DSCAML1: variants seen among roughly 807,000 people sequenced by gnomAD.
DSCAML1 encodes DS cell adhesion molecule like 1.
DSCAML1 carries 38 observed loss-of-function variants against 200.5 expected under a neutral mutation model. The ratio of observed to expected loss-of-function variants is 0.19; its 90% CI spans 0.15 to 0.25. The LOEUF is 0.25. Ranked by LOEUF, DSCAML1 falls within the 10% of genes least tolerant of loss-of-function variation. DSCAML1 has a pLI of 1.00. For missense variants in DSCAML1, 2,223 were observed against 2,858.8 expected, an observed-to-expected ratio of 0.78 and a Z score of 5.07; for synonymous variants, 1,215 against 1,165.0, an observed-to-expected ratio of 1.04 and a Z score of -0.87.
intron 3 of DSCAML1, among the ~76,000 whole-genome samples, chr11:117,677,532 G>T (rs567528306): frequency 1.4e-3 from 217 of 152,148 alleles, no homozygotes; most frequent in Non-Finnish European, 2.6e-3. Context: ...AATGAGGCAT[G>T]GGTTCTGTGG....
At chr11:117,536,374 G>C (rs2050171588) in intron 3 of DSCAML1, among the ~76,000 whole-genome samples, 1 of 152,214 alleles carries the variant, frequency 6.6e-6, no homozygotes, top group Admixed American at 6.5e-5. Context: ...CTGCACCCCA[G>C]AGGCAACTAG....
chr11:117,629,905 C>T lies in DSCAML1; in HGVS notation c.512-97383G>A, dbSNP rs116389512. Among the ~76,000 whole-genome samples, 546 of 152,268 alleles carry T rather than the reference C, an allele frequency of 3.6e-3. 5 individuals carry two copies. The highest frequency in any genetic ancestry group is 0.012 in the African/African-American group (508 of 41,556). On this transcript the variant is annotated intron_variant, in intron 3 of 32. Coordinates refer to ENST00000651296, the MANE Select transcript of DSCAML1 (RefSeq NM_020693.4). ...GCCCCAGCTATTCAGGAGACTGAGG[C>T]AGGAGTTCAGGGTTGAGACTGCTTG...
intron 27 of DSCAML1, 59 bp from the exon 28 acceptor site, chr11:117,433,530 A>T (rs2047847593): frequency 4.4e-6 from 7 of 1,577,364 alleles, no homozygotes; most frequent in Non-Finnish European, 6.1e-6. Context: ...ACAGGATGAC[A>T]ATGGGAGAGG....
chr11:117,669,581 T>G (rs778159930), intron 3 of DSCAML1, among the ~76,000 whole-genome samples: 10 of 152,208 alleles, frequency 6.6e-5, no homozygotes, highest in Admixed American at 1.3e-4. Context: ...GGGCTGACAA[T>G]GTAGTTAGGA....
chr11:117,566,164 G>A (rs151146642), intron 3 of DSCAML1, among the ~76,000 whole-genome samples: 3 of 152,222 alleles, frequency 2.0e-5, no homozygotes, highest in African/African-American at 7.2e-5. Context: ...ATAGATGAGG[G>A]GACGGAGACC....
At chr11:117,753,306 G>A (rs1444703362) in intron 3 of DSCAML1, among the ~76,000 whole-genome samples, 1 of 152,318 alleles carries the variant, frequency 6.6e-6, no homozygotes, top group Non-Finnish European at 1.5e-5. Context: ...AAGAGGTGGT[G>A]TGAAAACAGC....
In DSCAML1 at chr11:117,512,793, A is replaced by ACACACACC. The variant is rs985249455; in HGVS notation, c.1783+3673_1783+3674insGGTGTGTG. 7.5e-5 allele frequency among the ~76,000 whole-genome samples: 11 copies of ACACACACC among 146,844 alleles called. 1 individual carries two copies. Among genetic ancestry groups the ACACACACC allele is most frequent in the Non-Finnish European group, 1.5e-4 (10 of 66,082 alleles). On this transcript the variant is annotated intron_variant, in intron 8 of 32. Transcript: ENST00000651296. Reference sequence around the variant, plus strand: ...CACACACACACACACACACACACACACACACACACCCCTCCCCTTCCCCCC... The same window carrying ACACACACC: ...CACACACACACACACACACACACACACACACACCCACACACACCCCTCCCCTTCCCCCC...
At chr11:117,528,735 G>A (rs1312721392) in intron 4 of DSCAML1, among the ~76,000 whole-genome samples, 2 of 152,182 alleles carry the variant, frequency 1.3e-5, no homozygotes, top group East Asian at 3.8e-4. Flanking sequence ...TATAACTGCA[G>A]GTGACAATGC....
intron 3 of DSCAML1, among the ~76,000 whole-genome samples, chr11:117,578,236 G>A (rs539127934): frequency 0.015 from 1,503 of 101,386 alleles, 19 homozygotes; most frequent in Admixed American, 0.018. Context: ...ACTCTGTCTC[G>A]AAAAAAAAAA....
At chr11:117,529,995 C>T (rs1182336390) in intron 4 of DSCAML1, among the ~76,000 whole-genome samples, 2 of 152,174 alleles carry the variant, frequency 1.3e-5, no homozygotes, top group East Asian at 1.9e-4. Context: ...TCCCTGGAGC[C>T]CCGTCGCTCG....
At position 117,463,691 on chromosome 11, in the gene DSCAML1, G is replaced by A. The variant is rs535969384; in HGVS notation, c.3265+1251C>T. On this transcript the variant is annotated intron_variant, in intron 17 of 32. Coordinates refer to ENST00000651296, the MANE Select transcript of DSCAML1 (RefSeq NM_020693.4). The surrounding 1 kb of genome is among the most constrained non-coding windows in gnomAD (Gnocchi z 4.0). ...AGCGAGGGCCATGGGCTGAGGGCTT[G>A]GTTGTGGTGCGGCTCTCCTCCCTCC... Among the ~76,000 whole-genome samples the A allele has an allele frequency of 6.5e-4, 99 of 152,316 alleles. No individual in the cohort carries two copies. The highest frequency in any genetic ancestry group is 2.0e-3 in the African/African-American group (85 of 41,578).
chr11:117,631,905 C>A (rs1337121351), intron 3 of DSCAML1, among the ~76,000 whole-genome samples: 1 of 152,214 alleles, frequency 6.6e-6, no homozygotes, highest in African/African-American at 2.4e-5. Context: ...AGGTCCCTGG[C>A]TGAGTCACAG....
chr11:117,603,539 A>G (rs2051505978), intron 3 of DSCAML1, among the ~76,000 whole-genome samples: 1 of 152,218 alleles, frequency 6.6e-6, no homozygotes, highest in African/African-American at 2.4e-5. Flanking sequence ...GAGATAGTGG[A>G]TATAGGGCAC....
intron 3 of DSCAML1, among the ~76,000 whole-genome samples, chr11:117,596,277 T>C (rs1482716740): frequency 6.6e-6 from 1 of 152,112 alleles, no homozygotes; most frequent in East Asian, 1.9e-4. Flanking sequence ...TAAGTCCAGA[T>C]CTTTTGAAAC....
chr11:117,486,369 C>T (rs904131829), intron 11 of DSCAML1, among the ~76,000 whole-genome samples: 2 of 148,306 alleles, frequency 1.3e-5, no homozygotes, highest in Non-Finnish European at 3.0e-5. Context: ...GTGAAAGTGG[C>T]TGATGTGAAA....
chr11:117,428,545 C>A lies in DSCAML1; in HGVS notation c.5945G>T (p.Gly1982Val), dbSNP rs1592554204. The change falls in exon 33 of 33, where the codon GGC becomes GTC. Residue 1982 changes from glycine to valine, a missense_variant. By Grantham distance (109) the Gly-to-Val change is moderately radical. Around this residue, in one of 7 missense-constraint regions of DSCAML1, gnomAD observed 280 missense variants for 213.4 expected, o/e 1.31. Transcript: ENST00000651296. Reference sequence around the variant, plus strand: ...GGGGCCGGGGGCTGGGGGGGCTGTGCCGGCTGGGGGGGCTGGCATGGCCAG... The same window carrying A: ...GGGGCCGGGGGCTGGGGGGGCTGTGACGGCTGGGGGGGCTGGCATGGCCAG... ...RTLAMPAPPAGTAPPAPGPTP... is the reference protein window; with the variant it reads ...RTLAMPAPPAVTAPPAPGPTP... 1 of 1,529,698 alleles carries A rather than the reference C, an allele frequency of 6.5e-7. No homozygotes were observed. The highest frequency in any genetic ancestry group is 1.4e-5 in the African/African-American group (1 of 72,612). The allele number at this position is 1,529,698 out of a possible 1,614,324, so 94.8% of individuals were successfully genotyped here.
At chr11:117,555,682 T>C (rs1336884282) in intron 3 of DSCAML1, among the ~76,000 whole-genome samples, 2 of 151,934 alleles carry the variant, frequency 1.3e-5, no homozygotes, top group East Asian at 1.9e-4. Context: ...TGGCGGGTGA[T>C]GAATTAGACA....
intron 20 of DSCAML1, among the ~76,000 whole-genome samples, chr11:117,446,058 T>C (rs1271057639): frequency 6.6e-6 from 1 of 152,182 alleles, no homozygotes; most frequent in African/African-American, 2.4e-5. Context: ...AGAAAAACTA[T>C]GATACATCAA....
intron 1 of DSCAML1, among the ~76,000 whole-genome samples, chr11:117,787,000 C>T: frequency 6.6e-6 from 1 of 152,190 alleles, no homozygotes; most frequent in East Asian, 1.9e-4. Context: ...CCTTGCAAGG[C>T]CATTAGCTCC....
Sources: allele counts gnomAD v4.1 joint callset (sites outside exome capture counted in the v4.1 genomes callset), GRCh38; gene constraint gnomAD v4.1.1; regional missense constraint gnomAD v4.1.1; non-coding constraint Gnocchi (gnomAD v3.1); transcripts MANE v1.5; gene names NCBI Gene and HGNC (gene_info 2026-07-23, HGNC 2026-07-21).